NRF1: variants seen among roughly 807,000 people sequenced by gnomAD.
The protein encoded by NRF1 is nuclear respiratory factor 1.
Under a neutral mutation model 58.5 loss-of-function variants are expected in NRF1, and 5 were observed. The ratio of observed to expected loss-of-function variants is 0.09; its 90% CI spans 0.04 to 0.18. NRF1 has a LOEUF of 0.18. Ranked by LOEUF, NRF1 falls within the 10% of genes least tolerant of loss-of-function variation. The pLI, the probability that NRF1 is intolerant of heterozygous loss-of-function variation, is 1.00. For missense variants in NRF1, 288 were observed against 657.7 expected (o/e 0.44, Z 6.15); for synonymous variants, 224 against 246.7 (o/e 0.91, Z 0.86).
At chr7:129,673,577 C>T (rs1278394249) in intron 3 of NRF1, among the ~76,000 whole-genome samples, 18 of 151,590 alleles carry the variant, frequency 1.2e-4, no homozygotes, top group Non-Finnish European at 2.2e-4. Context: ...ATTAGCCGGG[C>T]GCAGTGGCGG....
intron 1 of NRF1, among the ~76,000 whole-genome samples, chr7:129,620,082 A>G (rs1365707629): frequency 6.6e-6 from 1 of 152,174 alleles, no homozygotes; most frequent in African/African-American, 2.4e-5. Flanking sequence ...TGATTAAATC[A>G]AGTGTTGGTT....
chr7:129,690,574 T>G (rs370334260), intron 5 of NRF1, 28 bp downstream of exon 5: 13 of 1,613,096 alleles, frequency 8.1e-6, no homozygotes, highest in East Asian at 6.7e-5. Context: ...AGGAGGAGAC[T>G]CAAAGACAAG....
In NRF1 at chr7:129,634,029, T is replaced by TA. The variant is rs34010272; in HGVS notation, c.-7+22218dup. 9.6e-3 allele frequency among the ~76,000 whole-genome samples: 1,062 copies of TA among 110,688 alleles called. 4 individuals carry two copies. The highest frequency in any genetic ancestry group is 0.021 in the Middle Eastern group (5 of 238). The allele number at this position is 110,688 out of a possible 152,430, so 72.6% of individuals were successfully genotyped here. On this transcript the variant is annotated intron_variant, in intron 1 of 10. Transcript: ENST00000393232. ...AATATTGTTTTTTTACATCTGTATT[T>TA]AAAAAAAAAAAAAGATATATATATA... is the stretch of plus-strand genomic sequence containing the variant.
At chr7:129,615,535 TTTTC>T (rs1800642231) in intron 1 of NRF1, among the ~76,000 whole-genome samples, 1 of 152,360 alleles carries the variant, frequency 6.6e-6, no homozygotes, top group Admixed American at 6.5e-5. Context: ...CTAAAATACA[TTTTC>T]TTTATGTTCT....
At position 129,723,616 on chromosome 7, in the gene NRF1, AG is replaced by A. The variant is rs200790450; in HGVS notation, c.1224-3624del. Among the ~76,000 whole-genome samples, 1,420 of 152,320 alleles carry A rather than the reference AG, an allele frequency of 9.3e-3. 11 individuals are homozygous for A. The highest frequency in any genetic ancestry group is 0.012 in the Admixed American group (185 of 15,302). The stretch of plus-strand genomic sequence containing the variant: ...TTAAATTCTGTCATGAAAAATGTAA[AG>A]AACAGTCTTAGTAGTAATTCCAGAT... On this transcript the variant is annotated intron_variant, in intron 9 of 10. Coordinates refer to ENST00000393232, the MANE Select transcript of NRF1 (RefSeq NM_005011.5).
At chr7:129,747,069 G>A (rs1803993435) in intron 10 of NRF1, among the ~76,000 whole-genome samples, 1 of 152,190 alleles carries the variant, frequency 6.6e-6, no homozygotes, top group African/African-American at 2.4e-5. Flanking sequence ...TATGGTGCTG[G>A]ATAACTTCAA....
At chr7:129,726,767 C>T (rs944170612) in intron 9 of NRF1, among the ~76,000 whole-genome samples, 2 of 152,284 alleles carry the variant, frequency 1.3e-5, no homozygotes, top group African/African-American at 4.8e-5. Context: ...GCTGCTGACT[C>T]CTCATATTAT....
At chr7:129,656,560 G>T (rs932242170) in intron 1 of NRF1, among the ~76,000 whole-genome samples, 1 of 150,280 alleles carries the variant, frequency 6.7e-6, no homozygotes, top group Non-Finnish European at 1.5e-5. Context: ...AGTTTTTTGG[G>T]TTTTTTTTTG....
rs181058161 is a variant in NRF1 at position 129,629,680 on chromosome 7, G to A, written c.-7+17856G>A. 5.8e-3 allele frequency among the ~76,000 whole-genome samples: 879 copies of A among 152,268 alleles called. 7 individuals carry two copies. The highest frequency in any genetic ancestry group is 9.6e-3 in the Non-Finnish European group (651 of 68,018). Reference sequence around the variant, plus strand: ...TTTATGCATACTTTCCATTTGTTACGCAGAATAGTAGAAAGACATAACTCT... The same window carrying A: ...TTTATGCATACTTTCCATTTGTTACACAGAATAGTAGAAAGACATAACTCT... On this transcript the variant is annotated intron_variant, in intron 1 of 10. Coordinates refer to ENST00000393232, the MANE Select transcript of NRF1 (RefSeq NM_005011.5).
At chr7:129,698,381 G>T (rs1802747180) in intron 5 of NRF1, among the ~76,000 whole-genome samples, 1 of 151,846 alleles carries the variant, frequency 6.6e-6, no homozygotes, top group Non-Finnish European at 1.5e-5. Flanking sequence ...ATAGCTCTAT[G>T]ATATTTTTAG....
At chr7:129,626,211 G>A (rs905946131) in intron 1 of NRF1, among the ~76,000 whole-genome samples, 5 of 152,196 alleles carry the variant, frequency 3.3e-5, no homozygotes, top group African/African-American at 1.2e-4. Context: ...CTTGGCACAT[G>A]GTAGCTAACT....
At chr7:129,699,131 A>G (rs1802761466) in intron 5 of NRF1, among the ~76,000 whole-genome samples, 1 of 152,134 alleles carries the variant, frequency 6.6e-6, no homozygotes, top group South Asian at 2.1e-4. Flanking sequence ...CCGTGGCATG[A>G]TGATGCAACA....
At chr7:129,644,769 C>T (rs1337866613) in intron 1 of NRF1, among the ~76,000 whole-genome samples, 1 of 152,190 alleles carries the variant, frequency 6.6e-6, no homozygotes, top group African/African-American at 2.4e-5. Context: ...GATGTTCCGG[C>T]AAGCCAAAAT....
chr7:129,628,947 C>T (rs1800981426), intron 1 of NRF1, among the ~76,000 whole-genome samples: 1 of 152,154 alleles, frequency 6.6e-6, no homozygotes, highest in South Asian at 2.1e-4. Context: ...AATATTGACA[C>T]AAAAATCACA....
At position 129,749,432 on chromosome 7, in the gene NRF1, T is replaced by TAA. The variant is rs11405110; in HGVS notation, c.1349-5572_1349-5571dup. Reference sequence around the variant, plus strand: ...ATTTTGGCTCAAGAATGATACACATTAAAAAAAAAAAAAAATAGAGCCATG... The same window carrying TAA: ...ATTTTGGCTCAAGAATGATACACATTAAAAAAAAAAAAAAAAATAGAGCCATG... On this transcript the variant is annotated intron_variant, in intron 10 of 10. Transcript: ENST00000393232. Among the ~76,000 whole-genome samples, 347 of 141,000 alleles carry TAA rather than the reference T, an allele frequency of 2.5e-3. 2 individuals are homozygous for TAA. The highest frequency in any genetic ancestry group is 5.3e-3 in the Admixed American group (75 of 14,238). The allele number at this position is 141,000 out of a possible 152,430, so 92.5% of individuals were successfully genotyped here.
chr7:129,734,680 A>C (rs925753621), intron 10 of NRF1, among the ~76,000 whole-genome samples: 8 of 152,210 alleles, frequency 5.3e-5, no homozygotes, highest in African/African-American at 1.4e-4. Context: ...AGAACTCATC[A>C]TTGGCTGGCT....
At chr7:129,624,482 T>C (rs1280752399) in intron 1 of NRF1, among the ~76,000 whole-genome samples, 1 of 152,202 alleles carries the variant, frequency 6.6e-6, no homozygotes, top group Non-Finnish European at 1.5e-5. Context: ...TAACATTTTA[T>C]AATTTTAGGA....
intron 2 of NRF1, among the ~76,000 whole-genome samples, chr7:129,657,989 C>G (rs1180376035): frequency 6.6e-6 from 1 of 152,156 alleles, no homozygotes; most frequent in Non-Finnish European, 1.5e-5. Context: ...TAATCACTTA[C>G]TATCAGTGTT....
At chr7:129,721,463 A>G (rs1348326151) in intron 9 of NRF1, among the ~76,000 whole-genome samples, 1 of 151,752 alleles carries the variant, frequency 6.6e-6, no homozygotes, top group Non-Finnish European at 1.5e-5. Context: ...ATTTTGAAAG[A>G]AAAATTTGCT....
Sources: gnomAD v4.1 joint callset for allele counts (sites outside exome capture counted in the v4.1 genomes callset) on GRCh38, gnomAD v4.1.1 for gene constraint, MANE v1.5 for transcripts, NCBI Gene and HGNC (gene_info 2026-07-23, HGNC 2026-07-21) for gene names.